The following CDC14A variants were observed in gnomAD, a reference collection of about 807,000 sequenced individuals.
CDC14A encodes dual specificity protein phosphatase CDC14A.
Under a neutral mutation model 74.4 loss-of-function variants are expected in CDC14A, and 53 were observed. That is an observed-to-expected ratio of 0.71 (90% confidence interval 0.57 to 0.89). The LOEUF (loss-of-function observed/expected upper bound fraction) is 0.89, where lower values mean the gene tolerates loss of function less well. CDC14A is among the 40% of genes least tolerant of loss of function. CDC14A has a pLI of 0.00. For missense variants in CDC14A, 646 were observed against 713.7 expected (o/e 0.91, Z 1.08); for synonymous variants, 247 against 258.4 (o/e 0.96, Z 0.43).
intron 4 of CDC14A, among the ~76,000 whole-genome samples, chr1:100,415,781 A>G (rs1661458178): frequency 2.0e-5 from 3 of 152,216 alleles, no homozygotes; most frequent in South Asian, 2.1e-4. Context: ...TTCCTAATTC[A>G]TATGTGATTA....
At position 100,352,743 on chromosome 1, in the gene CDC14A, G is replaced by A. The variant is rs995361081; in HGVS notation, c.-212G>A. ...GCCAGGGGCGTGAGCGCCCCGCGCGGAGCGAGCTCGGGTTCCCCTCGGAAT... is the reference window on the plus strand; with the variant it reads ...GCCAGGGGCGTGAGCGCCCCGCGCGAAGCGAGCTCGGGTTCCCCTCGGAAT... On this transcript the variant is annotated 5_prime_UTR_variant, in exon 1 of 16. Transcript: ENST00000336454. The A allele has an allele frequency of 6.4e-6, 9 of 1,397,328 alleles. No homozygotes were observed. The highest frequency in any genetic ancestry group is 1.9e-6 in the Non-Finnish European group (2 of 1,080,780). The allele number at this position is 1,397,328 out of a possible 1,614,324, so 86.6% of individuals were successfully genotyped here. A position where few individuals can be genotyped will look rare whatever the true frequency, so the allele number is the denominator to read the frequency against.
At chr1:100,375,412 A>T (rs941171357) in intron 2 of CDC14A, among the ~76,000 whole-genome samples, 1 of 152,216 alleles carries the variant, frequency 6.6e-6, no homozygotes, top group Admixed American at 6.5e-5. Flanking sequence ...GTGGGAGGAT[A>T]TGTGAGAACT....
In CDC14A at chr1:100,518,792, A is replaced by G. The variant is rs1299470772; in HGVS notation, c.*512A>G. On this transcript the variant is annotated 3_prime_UTR_variant, in exon 16 of 16. Coordinates refer to ENST00000336454, the MANE Select transcript of CDC14A (RefSeq NM_003672.4). Reference sequence around the variant, plus strand: ...GAATAAATAATTCCTTCTTATTAAGAAGAAGTAAGGGAGAAAGTTTTTAGA... The same window carrying G: ...GAATAAATAATTCCTTCTTATTAAGGAGAAGTAAGGGAGAAAGTTTTTAGA... The G allele has an allele frequency of 1.3e-5, 2 of 152,642 alleles. No homozygotes were observed. Among genetic ancestry groups the G allele is most frequent in the Non-Finnish European group, 2.9e-5 (2 of 68,046 alleles). The allele number at this position is 152,642 out of a possible 1,614,324, so 9.5% of individuals were successfully genotyped here.
chr1:100,501,463 C>T (rs114006301), intron 15 of CDC14A, among the ~76,000 whole-genome samples: 95 of 152,250 alleles, frequency 6.2e-4, no homozygotes, highest in African/African-American at 2.2e-3. Context: ...TCGTAGCCCT[C>T]GTAGGGTTAT....
chr1:100,410,448 G>A (rs1571104588), intron 4 of CDC14A, among the ~76,000 whole-genome samples: 2 of 152,026 alleles, frequency 1.3e-5, no homozygotes, highest in Admixed American at 1.3e-4. Context: ...CAGCCTCCCG[G>A]GTAGCTGGAT....
chr1:100,508,140 T>C lies in CDC14A; in HGVS notation c.1755+8878T>C, dbSNP rs534096681. Among the ~76,000 whole-genome samples, 1 of 152,320 alleles carries C rather than the reference T, an allele frequency of 6.6e-6. No individual in the cohort carries two copies. Among genetic ancestry groups the C allele is most frequent in the African/African-American group, 2.4e-5 (1 of 41,580 alleles). ...TCTTTAATGTGTCCATTCTGGAGTA[T>C]ATCCCCCAATCCACTGACCTTTGAT... On this transcript the variant is annotated intron_variant, in intron 15 of 15. Transcript: ENST00000336454. The surrounding 1 kb of genome is among the most constrained non-coding windows in gnomAD (Gnocchi z 4.4).
chr1:100,388,160 C>G (rs745405441), intron 3 of CDC14A, among the ~76,000 whole-genome samples: 3 of 151,986 alleles, frequency 2.0e-5, no homozygotes, highest in Non-Finnish European at 2.9e-5. Flanking sequence ...TATGCTCAGT[C>G]TGACTCATGT....
chr1:100,509,995 G>T (rs1457354870), intron 15 of CDC14A, among the ~76,000 whole-genome samples: 1 of 152,188 alleles, frequency 6.6e-6, no homozygotes, highest in Non-Finnish European at 1.5e-5. Context: ...GGTAGCTCCT[G>T]AATCTTTATG....
chr1:100,444,303 A>G (rs1044313033), intron 7 of CDC14A, among the ~76,000 whole-genome samples: 1 of 151,948 alleles, frequency 6.6e-6, no homozygotes. Flanking sequence ...TGGACCTTTC[A>G]TTTTAATAGT....
At chr1:100,482,416 C>T (rs1669575881) in intron 10 of CDC14A, among the ~76,000 whole-genome samples, 2 of 152,176 alleles carry the variant, frequency 1.3e-5, no homozygotes, top group African/African-American at 4.8e-5. Flanking sequence ...TTTTTCCAGC[C>T]CACATTGTTT....
chr1:100,505,840 C>G (rs915553286), intron 15 of CDC14A, among the ~76,000 whole-genome samples: 8 of 152,240 alleles, frequency 5.3e-5, no homozygotes, highest in African/African-American at 1.9e-4. Context: ...GTGGGCTGTA[C>G]GAGCATGGCA....
At chr1:100,389,852 A>G (rs1657441932) in intron 3 of CDC14A, among the ~76,000 whole-genome samples, 2 of 152,160 alleles carry the variant, frequency 1.3e-5, no homozygotes, top group African/African-American at 4.8e-5. Context: ...CAGTTTATGT[A>G]CCTATATTTA....
Position 100,390,810 on chromosome 1 carries a change from A to T in CDC14A, c.295A>T (p.Ile99Leu). Residue 99 changes from isoleucine (I) to leucine (L), a missense_variant, in exon 4 of 16, where the codon ATA (isoleucine) becomes TTA (leucine). Ile to Leu is a conservative substitution (Grantham distance 5, BLOSUM62 2). Transcript: ENST00000336454. ...GAAAAGAGCAAATGCAGCATTTTTG[A>T]TAGGTGCCTATGCAGTAAGTACCTT... ...QRKRANAAFL[I>L]GAYAVIYLKK... is the part of the protein sequence containing the mutation. The T allele has an allele frequency of 6.2e-7, 1 of 1,609,642 alleles. No individual in the cohort carries two copies. Among genetic ancestry groups the T allele is most frequent in the African/African-American group, 1.3e-5 (1 of 74,912 alleles).
chr1:100,439,811 T>A, intron 5 of CDC14A, 121 bp from the exon 6 acceptor site: 2 of 678,336 alleles, frequency 2.9e-6, no homozygotes, highest in Non-Finnish European at 2.6e-6. Context: ...ATTATATAAG[T>A]TTACCATGTT....
intron 9 of CDC14A, among the ~76,000 whole-genome samples, chr1:100,465,544 A>G (rs1207813463): frequency 6.6e-6 from 1 of 152,218 alleles, no homozygotes; most frequent in Non-Finnish European, 1.5e-5. Flanking sequence ...AGCAGCACTC[A>G]GTCTTTTAAT....
intron 2 of CDC14A, among the ~76,000 whole-genome samples, chr1:100,372,978 GT>G (rs1654692715): frequency 6.6e-6 from 1 of 152,150 alleles, no homozygotes; most frequent in Non-Finnish European, 1.5e-5. Flanking sequence ...AAGCTATTTT[GT>G]TTTTGTATCA....
intron 5 of CDC14A, among the ~76,000 whole-genome samples, chr1:100,428,442 G>A (rs1230542355): frequency 1.3e-5 from 2 of 152,136 alleles, no homozygotes; most frequent in African/African-American, 2.4e-5. Flanking sequence ...GTGTTGGCTT[G>A]GCAGTTAGCC....
chr1:100,351,711 T>C, upstream of CDC14A: 2 of 1,539,048 alleles, frequency 1.3e-6, no homozygotes, highest in Non-Finnish European at 1.8e-6. Context: ...CTGTGATGCT[T>C]TTGCGCTCAC....
chr1:100,426,891 A>G (rs781620041), intron 5 of CDC14A, among the ~76,000 whole-genome samples: 1 of 152,238 alleles, frequency 6.6e-6, no homozygotes, highest in Non-Finnish European at 1.5e-5. Flanking sequence ...TACATTTGAA[A>G]CAGAAAATAC....
Sources: allele counts gnomAD v4.1 joint callset (sites outside exome capture counted in the v4.1 genomes callset), GRCh38; gene constraint gnomAD v4.1.1; non-coding constraint Gnocchi (gnomAD v3.1); transcripts MANE v1.5; gene names NCBI Gene and HGNC (gene_info 2026-07-23, HGNC 2026-07-21).